CLVS1: variants seen among roughly 807,000 people sequenced by gnomAD.
The protein encoded by CLVS1 is clavesin 1, also known as clavesin-1.
CLVS1 carries 10 observed loss-of-function variants against 33.1 expected under a neutral mutation model. That is an observed-to-expected ratio of 0.30 (90% CI 0.19 to 0.51). CLVS1 has a LOEUF of 0.51. CLVS1 is among the 20% of genes least tolerant of loss of function. The probability of loss-of-function intolerance (pLI) is 0.97; values close to 1 mark genes in which losing one functional copy is unlikely to be tolerated. For missense variants in CLVS1, 343 were observed against 433.4 expected (o/e 0.79, Z 1.85); for synonymous variants, 163 against 166.1 (o/e 0.98, Z 0.14).
intron 2 of CLVS1, among the ~76,000 whole-genome samples, chr8:61,279,956 AAG>A (rs1184065116): frequency 5.9e-5 from 9 of 151,858 alleles, no homozygotes; most frequent in Non-Finnish European, 8.8e-5. Flanking sequence ...ACATGAATAA[AAG>A]AGTGTGAACT....
intron 3 of CLVS1, among the ~76,000 whole-genome samples, chr8:61,388,465 T>G (rs1406048405): frequency 6.6e-6 from 1 of 151,824 alleles, no homozygotes; most frequent in Admixed American, 6.6e-5. Context: ...AAATTATTCT[T>G]GAAAATTTTG....
At chr8:61,217,261 T>C (rs149077478) in intron 2 of CLVS1, among the ~76,000 whole-genome samples, 6 of 152,294 alleles carry the variant, frequency 3.9e-5, no homozygotes, top group East Asian at 3.9e-4. Context: ...TTCACTGAGA[T>C]AGTAAACACC....
chr8:61,103,927 T>C (rs903233320), intron 1 of CLVS1, among the ~76,000 whole-genome samples: 2 of 152,232 alleles, frequency 1.3e-5, no homozygotes, highest in African/African-American at 4.8e-5. Context: ...ATCCCTCATC[T>C]GGAAGCTTAA....
intron 2 of CLVS1, among the ~76,000 whole-genome samples, chr8:61,218,439 A>G (rs1808137739): frequency 6.6e-6 from 1 of 152,008 alleles, no homozygotes; most frequent in Non-Finnish European, 1.5e-5. Flanking sequence ...TTATACGTGG[A>G]AGCAAAAAGA....
chr8:61,017,897 A>T, the CLVS1 span, among the ~76,000 whole-genome samples: 1 of 152,212 alleles, frequency 6.6e-6, no homozygotes, highest in Non-Finnish European at 1.5e-5. Context: ...CTATGAATTA[A>T]AATCTAGCCC....
intron 1 of CLVS1, among the ~76,000 whole-genome samples, chr8:61,110,482 AT>A (rs1297611655): frequency 6.6e-6 from 1 of 152,168 alleles, no homozygotes; most frequent in Non-Finnish European, 1.5e-5. Context: ...TGATTAAGAC[AT>A]TGTGAAGATC....
At chr8:61,419,584 C>T (rs2129604545) in intron 3 of CLVS1, among the ~76,000 whole-genome samples, 1 of 152,222 alleles carries the variant, frequency 6.6e-6, no homozygotes, top group East Asian at 1.9e-4. Context: ...CAAGGGAACT[C>T]CAGAGCTGAA....
intron 2 of CLVS1, among the ~76,000 whole-genome samples, chr8:61,199,314 C>G (rs1807680712): frequency 6.6e-6 from 1 of 152,108 alleles, no homozygotes; most frequent in African/African-American, 2.4e-5. Context: ...ACAGGGTAAA[C>G]AGACAACCTA....
chr8:61,263,570 T>C (rs954201913), intron 2 of CLVS1, among the ~76,000 whole-genome samples: 1 of 152,230 alleles, frequency 6.6e-6, no homozygotes, highest in African/African-American at 2.4e-5. Context: ...ACATTTTGGC[T>C]AGTAGGAGAA....
chr8:61,357,395 T>A (rs1468492624), intron 2 of CLVS1, among the ~76,000 whole-genome samples: 2 of 151,944 alleles, frequency 1.3e-5, no homozygotes, highest in Non-Finnish European at 2.9e-5. Context: ...ATGATGACAA[T>A]TGTTGAATCA....
At chr8:61,355,815 G>A (rs568647672) in intron 2 of CLVS1, among the ~76,000 whole-genome samples, 1 of 152,090 alleles carries the variant, frequency 6.6e-6, no homozygotes, top group Non-Finnish European at 1.5e-5. Flanking sequence ...GTCTATCATT[G>A]TTGGACATTT....
chr8:61,422,469 A>C (rs1190002657), intron 3 of CLVS1, among the ~76,000 whole-genome samples: 1 of 152,214 alleles, frequency 6.6e-6, no homozygotes, highest in African/African-American at 2.4e-5. Context: ...AAAGAAGAGA[A>C]AATGAATCAA....
chr8:61,149,509 G>A (rs113955430), intron 2 of CLVS1, among the ~76,000 whole-genome samples: 2 of 133,960 alleles, frequency 1.5e-5, no homozygotes, highest in African/African-American at 2.9e-5. Flanking sequence ...CCAAGATCAC[G>A]CCACTGTACT....
chr8:60,991,672 T>C, the CLVS1 span, among the ~76,000 whole-genome samples: 4 of 151,890 alleles, frequency 2.6e-5, no homozygotes, highest in East Asian at 1.9e-4. Context: ...CTCCCTCTAA[T>C]GTGGAATTCA....
rs908309620 is a variant in CLVS1 at position 61,499,631 on chromosome 8, C to T, written c.*89C>T. 7.9e-6 allele frequency: 7 copies of T among 885,532 alleles called. No individual in the cohort carries two copies. The highest frequency in any genetic ancestry group is 5.5e-4 in the Middle Eastern group (2 of 3,638). The allele number at this position is 885,532 out of a possible 1,614,324, so 54.9% of individuals were successfully genotyped here. A position where few individuals can be genotyped will look rare whatever the true frequency, so the allele number is the denominator to read the frequency against. On this transcript the variant is annotated 3_prime_UTR_variant, in exon 6 of 6. Transcript: ENST00000325897. ...CATGCACAACTGACCCATGCAGACA[C>T]GTGTGTTCTGCTTGACACAAGGTCC...
chr8:61,154,608 C>A (rs1056505812), intron 2 of CLVS1, among the ~76,000 whole-genome samples: 2 of 152,216 alleles, frequency 1.3e-5, no homozygotes, highest in Non-Finnish European at 2.9e-5. Context: ...TGAAGTCTGA[C>A]AATCCTTTGT....
the CLVS1 span, among the ~76,000 whole-genome samples, chr8:60,993,830 C>T: frequency 2.0e-5 from 3 of 152,340 alleles, no homozygotes; most frequent in African/African-American, 7.2e-5. Flanking sequence ...CAGTGCTTCT[C>T]CTGTCTTTAG....
rs537740744 is a variant in CLVS1 at position 61,346,873 on chromosome 8, A to G, written c.456-29732A>G. On this transcript the variant is annotated intron_variant, in intron 2 of 5. Coordinates refer to ENST00000325897, the MANE Select transcript of CLVS1 (RefSeq NM_173519.3). ...AATGGAAAGCAATTGTTGCAGATCT[A>G]CTCTGAGGCAGATAGTTAAGATCTC... Among the ~76,000 whole-genome samples, 11 of 152,322 alleles carry G rather than the reference A, an allele frequency of 7.2e-5. No individual in the cohort carries two copies. The South Asian group carries it at 1.9e-3, about 26-fold the overall frequency.
chr8:61,233,690 C>T (rs562689904), intron 2 of CLVS1, among the ~76,000 whole-genome samples: 2 of 152,366 alleles, frequency 1.3e-5, no homozygotes, highest in South Asian at 2.1e-4. Flanking sequence ...ACTGCCAGGT[C>T]TCCTCTCCTG....
Sources: allele counts gnomAD v4.1 joint callset (sites outside exome capture counted in the v4.1 genomes callset), GRCh38; gene constraint gnomAD v4.1.1; transcripts MANE v1.5; gene names NCBI Gene and HGNC (gene_info 2026-07-23, HGNC 2026-07-21).